Variants in KCNJ6 observed in about 807,000 individuals in gnomAD.
KCNJ6 encodes G protein-activated inward rectifier potassium channel 2.
A neutral mutation model predicts 34.2 loss-of-function variants in KCNJ6; 9 were observed. The observed-to-expected ratio is 0.26, with a 90% confidence interval of 0.16 to 0.46. The LOEUF (loss-of-function observed/expected upper bound fraction) is 0.46, where lower values mean the gene tolerates loss of function less well. Ranked by LOEUF, KCNJ6 falls within the 20% of genes least tolerant of loss-of-function variation. The pLI, the probability that KCNJ6 is intolerant of heterozygous loss-of-function variation, is 1.00. For synonymous variants in KCNJ6, 196 were observed against 207.1 expected (o/e 0.95, Z 0.46); for missense variants, 236 against 531.3 (o/e 0.44, Z 5.46).
chr21:37,822,180 T>C (rs1047667542), intron 2 of KCNJ6, among the ~76,000 whole-genome samples: 1 of 152,206 alleles, frequency 6.6e-6, no homozygotes, highest in Admixed American at 6.5e-5. Flanking sequence ...TGGCTGCACG[T>C]GGAGGATGAC....
intron 2 of KCNJ6, among the ~76,000 whole-genome samples, chr21:37,779,941 T>C (rs1173854864): frequency 1.3e-5 from 2 of 152,204 alleles, no homozygotes; most frequent in Non-Finnish European, 2.9e-5. Flanking sequence ...TGTGGAGACT[T>C]TCTGTATCAT....
chr21:37,728,401 T>C (rs996854183), intron 2 of KCNJ6, among the ~76,000 whole-genome samples: 6 of 152,224 alleles, frequency 3.9e-5, no homozygotes, highest in South Asian at 2.1e-4. Context: ...GAATGTATCA[T>C]TGAAGTGTGC....
At chr21:37,660,641 C>T (rs1434237582) in intron 3 of KCNJ6, among the ~76,000 whole-genome samples, 3 of 152,158 alleles carry the variant, frequency 2.0e-5, no homozygotes, top group African/African-American at 7.2e-5. Context: ...CACTGGCGTA[C>T]CTGTGTTAGA....
intron 1 of KCNJ6, among the ~76,000 whole-genome samples, chr21:37,864,979 A>C (rs1404752128): frequency 6.6e-6 from 1 of 151,394 alleles, no homozygotes; most frequent in Non-Finnish European, 1.5e-5. Context: ...TGCTGGGATT[A>C]CAGGCATGAG....
intron 3 of KCNJ6, among the ~76,000 whole-genome samples, chr21:37,636,854 G>A (rs952977395): frequency 6.6e-6 from 1 of 152,178 alleles, no homozygotes. Context: ...CAGAGGTATA[G>A]TCAATACATA....
Position 37,674,343 on chromosome 21 carries a change from C to T in KCNJ6, c.946+39868G>A, listed in dbSNP as rs1289764195. 2.6e-5 allele frequency among the ~76,000 whole-genome samples: 4 copies of T among 152,310 alleles called. No individual in the cohort carries two copies. The East Asian group carries it at 7.7e-4, about 29-fold the overall frequency. On this transcript the variant is annotated intron_variant, in intron 3 of 3. Coordinates refer to ENST00000609713, the MANE Select transcript of KCNJ6 (RefSeq NM_002240.5). ...GCAAATGAGGACAGTTGGTCATCTA[C>T]AGCTCACACGCCAACCACAGCCATC...
chr21:37,822,339 G>A lies in KCNJ6; in HGVS notation c.25+18319C>T, dbSNP rs74976205. 6.7e-3 allele frequency among the ~76,000 whole-genome samples: 1,027 copies of A among 152,238 alleles called. 13 individuals are homozygous for A. The highest frequency in any genetic ancestry group is 0.023 in the African/African-American group (973 of 41,534). On this transcript the variant is annotated intron_variant, in intron 2 of 3. Coordinates refer to ENST00000609713, the MANE Select transcript of KCNJ6 (RefSeq NM_002240.5). The stretch of plus-strand genomic sequence containing the variant: ...CCTCTGATAGGCACCCATTCCTCGT[G>A]GATGGGGAAGGTGGGGGTGCTGCCA...
intron 2 of KCNJ6, among the ~76,000 whole-genome samples, chr21:37,752,355 G>A (rs1207068151): frequency 6.6e-6 from 1 of 152,150 alleles, no homozygotes; most frequent in African/African-American, 2.4e-5. Flanking sequence ...CATCCTAGGA[G>A]GTGGTCTGAC....
chr21:37,813,398 A>C lies in KCNJ6; in HGVS notation c.25+27260T>G, dbSNP rs560025665. ...CAATGACATTCTTCACAGAAATAAA[A>C]AAAAATTCTAAAATGTATGTGGAAC... On this transcript the variant is annotated intron_variant, in intron 2 of 3. Coordinates refer to ENST00000609713, the MANE Select transcript of KCNJ6 (RefSeq NM_002240.5). Among the ~76,000 whole-genome samples, 15 of 152,320 alleles carry C rather than the reference A, an allele frequency of 9.8e-5. 1 individual carries two copies. The highest frequency in any genetic ancestry group is 3.6e-4 in the African/African-American group (15 of 41,580).
intron 2 of KCNJ6, among the ~76,000 whole-genome samples, chr21:37,761,153 G>C (rs1034256777): frequency 1.3e-5 from 2 of 151,374 alleles, no homozygotes; most frequent in South Asian, 4.2e-4. Context: ...TATGTGTGGT[G>C]TGTGTGCTGT....
intron 3 of KCNJ6, among the ~76,000 whole-genome samples, chr21:37,704,163 T>C (rs913138926): frequency 1.3e-5 from 2 of 152,238 alleles, no homozygotes; most frequent in African/African-American, 4.8e-5. Flanking sequence ...AAAGAAATTC[T>C]GCTGGAGGGA....
At chr21:37,856,050 TGG>T (rs2055563666) in intron 1 of KCNJ6, among the ~76,000 whole-genome samples, 1 of 152,128 alleles carries the variant, frequency 6.6e-6, no homozygotes, top group Non-Finnish European at 1.5e-5. Flanking sequence ...TTATCCTCCC[TGG>T]GACTGGGTGC....
chr21:37,775,253 C>T (rs1411326682), intron 2 of KCNJ6, among the ~76,000 whole-genome samples: 2 of 152,046 alleles, frequency 1.3e-5, no homozygotes, highest in African/African-American at 2.4e-5. Flanking sequence ...GATATTAGCC[C>T]TTTGTCAGGT....
chr21:37,737,843 T>C (rs1209208016), intron 2 of KCNJ6, among the ~76,000 whole-genome samples: 1 of 152,176 alleles, frequency 6.6e-6, no homozygotes, highest in African/African-American at 2.4e-5. Context: ...ATTCTGGTTC[T>C]ATGTTTGTAG....
intron 1 of KCNJ6, among the ~76,000 whole-genome samples, chr21:37,883,115 C>T (rs1010286965): frequency 1.3e-5 from 2 of 152,208 alleles, no homozygotes; most frequent in Non-Finnish European, 2.9e-5. Context: ...AGTCTAGCTC[C>T]CAGCTCTGTC....
intron 1 of KCNJ6, among the ~76,000 whole-genome samples, chr21:37,867,752 A>C (rs573576464): frequency 3.2e-4 from 48 of 152,360 alleles, no homozygotes; most frequent in African/African-American, 9.1e-4. Context: ...TTACACGGTA[A>C]ATATATTACC....
rs78443969 is a variant in KCNJ6, at chr21:37,685,706, A to AAAAAAAAAAAAG, written c.946+28504_946+28505insCTTTTTTTTTTT. Among the ~76,000 whole-genome samples the AAAAAAAAAAAAG allele has an allele frequency of 1.9e-3, 98 of 51,034 alleles. 34 individuals are homozygous for AAAAAAAAAAAAG. The highest frequency in any genetic ancestry group is 5.1e-3 in the African/African-American group (92 of 18,056). The allele number at this position is 51,034 out of a possible 152,430, so 33.5% of individuals were successfully genotyped here. A position where few individuals can be genotyped will look rare whatever the true frequency, so the allele number is the denominator to read the frequency against. ...CAAAAAAAAAAAAAAAAAAAAAAAA[A>AAAAAAAAAAAAG]AATCTATCCTATGGATATCAGAGGT... On this transcript the variant is annotated intron_variant, in intron 3 of 3. Coordinates refer to ENST00000609713, the MANE Select transcript of KCNJ6 (RefSeq NM_002240.5).
intron 3 of KCNJ6, among the ~76,000 whole-genome samples, chr21:37,688,239 A>G (rs2054624103): frequency 6.6e-6 from 1 of 152,200 alleles, no homozygotes; most frequent in Non-Finnish European, 1.5e-5. Flanking sequence ...CTAAAAAAGA[A>G]GCATTACCTG....
intron 2 of KCNJ6, among the ~76,000 whole-genome samples, chr21:37,798,766 G>A (rs1409989498): frequency 1.3e-5 from 2 of 152,072 alleles, no homozygotes; most frequent in Non-Finnish European, 2.9e-5. Context: ...GTGTGGGAAG[G>A]TGATAGTTTA....
Sources: allele counts gnomAD v4.1 joint callset (sites outside exome capture counted in the v4.1 genomes callset), GRCh38; gene constraint gnomAD v4.1.1; transcripts MANE v1.5; gene names NCBI Gene and HGNC (gene_info 2026-07-23, HGNC 2026-07-21).